Variants in TOP2B observed in about 807,000 individuals in gnomAD.
TOP2B encodes DNA topoisomerase II beta.
A neutral mutation model predicts 193.5 loss-of-function variants in TOP2B; 51 were observed. That is an observed-to-expected ratio of 0.26 (90% CI 0.21 to 0.33). The LOEUF (loss-of-function observed/expected upper bound fraction) is 0.33, where lower values mean the gene tolerates loss of function less well. Among genes scored for constraint, TOP2B ranks in the 10% least tolerant of loss-of-function variants. The pLI, the probability that TOP2B is intolerant of heterozygous loss-of-function variation, is 1.00. For synonymous variants in TOP2B, 634 were observed against 635.7 expected (o/e 1.00, Z 0.04); for missense variants, 1,378 against 1,909.3 (o/e 0.72, Z 5.19).
At chr3:25,606,012 A>G in intron 32 of TOP2B, 31 bp downstream of exon 32, 1 of 1,285,662 alleles carries the variant, frequency 7.8e-7, no homozygotes, top group Non-Finnish European at 1.1e-6. Flanking sequence ...GCAATAATAC[A>G]ATAACCAATG....
chr3:25,636,492 G>A (rs1249541110), intron 6 of TOP2B, among the ~76,000 whole-genome samples: 1 of 152,062 alleles, frequency 6.6e-6, no homozygotes, highest in Non-Finnish European at 1.5e-5. Context: ...ATGGGAGGAT[G>A]TGTATAGGTT....
At chr3:25,661,907 T>C (rs930862441) in intron 1 of TOP2B, among the ~76,000 whole-genome samples, 4 of 152,202 alleles carry the variant, frequency 2.6e-5, no homozygotes, top group African/African-American at 9.7e-5. Context: ...TTTTTATTTC[T>C]TTCTGTTACC....
At chr3:25,654,208 T>C (rs555077458) in intron 1 of TOP2B, among the ~76,000 whole-genome samples, 1 of 152,106 alleles carries the variant, frequency 6.6e-6, no homozygotes, top group South Asian at 2.1e-4. Flanking sequence ...ACCCAAAAGA[T>C]TCCACAGAAA....
chr3:25,598,562 T>C (rs149761508), intron 35 of TOP2B, 85 bp from the exon 36 acceptor site: 3 of 1,062,494 alleles, frequency 2.8e-6, no homozygotes, highest in Non-Finnish European at 3.9e-6. Context: ...ACTTCGCTTA[T>C]GTTTAGGAAG....
At chr3:25,599,878 A>T (rs1039038127) in intron 34 of TOP2B, among the ~76,000 whole-genome samples, 12 of 152,124 alleles carry the variant, frequency 7.9e-5, no homozygotes, top group African/African-American at 2.9e-4. Flanking sequence ...GGATTTAAAT[A>T]TTTTTTTTCA....
At chr3:25,648,651 C>T (rs1045260013) in intron 1 of TOP2B, among the ~76,000 whole-genome samples, 12 of 152,086 alleles carry the variant, frequency 7.9e-5, no homozygotes, top group African/African-American at 2.9e-4. Flanking sequence ...GAGCCCAGAG[C>T]TCAAAACCAG....
At chr3:25,605,013 C>CAA in intron 32 of TOP2B, 143 bp from the exon 33 acceptor site, 1 of 611,736 alleles carries the variant, frequency 1.6e-6, no homozygotes, top group Non-Finnish European at 2.8e-6. Flanking sequence ...CCACAATATA[C>CAA]AAACAGCTAA....
At position 25,624,914 on chromosome 3, in the gene TOP2B, A is replaced by G. The variant is rs150425289; in HGVS notation, c.2225-111T>C. ...TTTCAAGAACACCAGTAAAATTGTT[A>G]CTTGAGATTCTGTAACAAAGTGAGT... On this transcript the variant is annotated intron_variant, in intron 18 of 35. Coordinates refer to ENST00000264331, the MANE Select transcript of TOP2B (RefSeq NM_001330700.2). 59 of 1,059,034 alleles carry G rather than the reference A, an allele frequency of 5.6e-5. No individual in the cohort carries two copies. In the African/African-American group the frequency reaches 7.7e-4, roughly 14 times the overall value. The allele number at this position is 1,059,034 out of a possible 1,614,324, so 65.6% of individuals were successfully genotyped here.
chr3:25,612,076 G>GT (rs1224799512), intron 28 of TOP2B, among the ~76,000 whole-genome samples: 2 of 151,946 alleles, frequency 1.3e-5, no homozygotes, highest in African/African-American at 4.8e-5. Flanking sequence ...CCAAGTAGCT[G>GT]TGATACAGGC....
intron 1 of TOP2B, among the ~76,000 whole-genome samples, chr3:25,653,545 C>A (rs1703656418): frequency 6.6e-6 from 1 of 152,050 alleles, no homozygotes; most frequent in Admixed American, 6.6e-5. Flanking sequence ...TACCCCACAA[C>A]CCCTGCCCCA....
chr3:25,637,162 C>T (rs1703127371), intron 6 of TOP2B, 53 bp downstream of exon 6: 2 of 1,378,792 alleles, frequency 1.5e-6, no homozygotes, highest in African/African-American at 1.4e-5. Flanking sequence ...ACTATCTCGG[C>T]AAGATAATAA....
intron 15 of TOP2B, among the ~76,000 whole-genome samples, 151 bp from the exon 16 acceptor site, chr3:25,627,447 G>A (rs1249102205): frequency 1.3e-5 from 2 of 148,392 alleles, no homozygotes; most frequent in Non-Finnish European, 3.0e-5. Flanking sequence ...TAAAGACAAA[G>A]TAGACATTAG....
At chr3:25,653,794 G>A (rs938882271) in intron 1 of TOP2B, among the ~76,000 whole-genome samples, 2 of 152,154 alleles carry the variant, frequency 1.3e-5, no homozygotes, top group African/African-American at 4.8e-5. Flanking sequence ...ATGCAAGGAT[G>A]TTTCCAAATA....
intron 1 of TOP2B, among the ~76,000 whole-genome samples, chr3:25,660,417 A>C (rs1479907191): frequency 1.3e-5 from 2 of 152,234 alleles, no homozygotes; most frequent in Non-Finnish European, 2.9e-5. Flanking sequence ...CTGTTTTATG[A>C]TTCATGAGAG....
In TOP2B at chr3:25,598,190, A is replaced by AAAAC; in HGVS notation, c.*113_*116dup. 1 of 1,131,834 alleles carries AAAAC rather than the reference A, an allele frequency of 8.8e-7. No individual in the cohort carries two copies. Among genetic ancestry groups the AAAAC allele is most frequent in the Non-Finnish European group, 1.2e-6 (1 of 807,372 alleles). The allele number at this position is 1,131,834 out of a possible 1,614,324, so 70.1% of individuals were successfully genotyped here. ...GTTAAAAGGCCTACCACAATAATAA[A>AAAAC]AAACCGTCAATTACATCATCACATT... On this transcript the variant is annotated 3_prime_UTR_variant, in exon 36 of 36. Transcript: ENST00000264331.
chr3:25,601,925 T>C (rs1702105213), intron 33 of TOP2B, among the ~76,000 whole-genome samples: 1 of 152,156 alleles, frequency 6.6e-6, no homozygotes, highest in African/African-American at 2.4e-5. Flanking sequence ...GATCCTCGAA[T>C]ACAATGAATA....
chr3:25,609,367 A>G (rs747059220), intron 29 of TOP2B, 23 bp from the exon 30 acceptor site: 1 of 1,556,710 alleles, frequency 6.4e-7, no homozygotes, highest in Non-Finnish European at 8.7e-7. Context: ...AATAGCAATA[A>G]GGTATGTATC....
At chr3:25,599,262 C>A (rs895157715) in intron 35 of TOP2B, among the ~76,000 whole-genome samples, 173 bp downstream of exon 35, 4 of 152,006 alleles carry the variant, frequency 2.6e-5, no homozygotes, top group Admixed American at 1.3e-4. Flanking sequence ...AGGAAATAGT[C>A]CTGATTATAT....
rs1702750047 is a variant in TOP2B at position 25,624,784 on chromosome 3, C to T, written c.2244G>A (p.Arg748=). 5.6e-6 allele frequency: 9 copies of T among 1,613,254 alleles called. No individual in the cohort carries two copies. Among genetic ancestry groups the T allele is most frequent in the Non-Finnish European group, 7.6e-6 (9 of 1,179,548 alleles). ...TCTTGAAACAGGTAAATAAAACTTTCCGCTGGCCAGGTTTAAAGCCTATTT... is the reference window on the plus strand; with the variant it reads ...TCTTGAAACAGGTAAATAAAACTTTTCGCTGGCCAGGTTTAAAGCCTATTT... The part of the protein sequence containing the change: ...SLVDGFKPGQ[R]KVLFTCFKRN... Residue 748 remains arginine, a synonymous_variant, in exon 19 of 36, where the codon CGG becomes CGA. Coordinates refer to ENST00000264331, the MANE Select transcript of TOP2B (RefSeq NM_001330700.2).
Sources: gnomAD v4.1 joint callset for allele counts (sites outside exome capture counted in the v4.1 genomes callset) on GRCh38, gnomAD v4.1.1 for gene constraint, MANE v1.5 for transcripts, NCBI Gene and HGNC (gene_info 2026-07-23, HGNC 2026-07-21) for gene names.